Variants in P3H3 observed in about 807,000 individuals in gnomAD.
P3H3 encodes the protein prolyl 3-hydroxylase 3.
Under a neutral mutation model 78.1 loss-of-function variants are expected in P3H3, and 64 were observed. The ratio of observed to expected loss-of-function variants is 0.82; its 90% CI spans 0.67 to 1.01. The LOEUF (loss-of-function observed/expected upper bound fraction) is 1.01, where lower values mean the gene tolerates loss of function less well. P3H3 is among the 50% of genes least tolerant of loss of function. The pLI is 0.00. For synonymous variants in P3H3, 425 were observed against 416.7 expected (o/e 1.02, Z -0.24); for missense variants, 975 against 982.2 (o/e 0.99, Z 0.10).
In P3H3 at chr12:6,831,837, T is replaced by C; in HGVS notation, c.1135T>C (p.Phe379Leu). The C allele has an allele frequency of 6.2e-7, 1 of 1,605,440 alleles. No individual in the cohort carries two copies. The highest frequency in any genetic ancestry group is 8.5e-7 in the Non-Finnish European group (1 of 1,174,266). The change falls in exon 6 of 15, where the codon TTC becomes CTC. Residue 379 changes from phenylalanine to leucine, a missense_variant. By Grantham distance (22) the Phe-to-Leu change is conservative. Transcript: ENST00000290510. The surrounding 1 kb of genome is among the most constrained non-coding windows in gnomAD (Gnocchi z 4.6). ...GLGPREDIQR[F>L]ILRSLGEKRQ... ...ATCTCACCCTCAGGACATCCAGCGC[T>C]TCATCCTCCGATCCCTGGGGGAGAA...
chr12:6,837,874 G>T (rs983537278), intron 12 of P3H3, 25 bp downstream of exon 12: 21 of 1,596,962 alleles, frequency 1.3e-5, no homozygotes, highest in Non-Finnish European at 1.8e-5. Flanking sequence ...TAGTGGTCAG[G>T]CAGGTGGGCA....
At chr12:6,837,905 C>T (rs966399877) in intron 12 of P3H3, 53 bp from the exon 13 acceptor site, 67 of 1,591,216 alleles carry the variant, frequency 4.2e-5, no homozygotes, top group South Asian at 8.0e-5. Flanking sequence ...ATCCCACTGC[C>T]GGCCTGGGCC....
At position 6,837,825 on chromosome 12, in the gene P3H3, C is replaced by A. The variant is rs1555122433; in HGVS notation, c.1805C>A (p.Pro602Gln). 1.2e-6 allele frequency: 2 copies of A among 1,611,914 alleles called. No individual in the cohort carries two copies. The highest frequency in any genetic ancestry group is 1.7e-6 in the Non-Finnish European group (2 of 1,179,096). The change falls in exon 12 of 15, where the codon CCA (proline) becomes CAA (glutamine). Residue 602 changes from proline to glutamine, a missense_variant. By Grantham distance (76) the Pro-to-Gln change is moderately conservative. Coordinates refer to ENST00000290510, the MANE Select transcript of P3H3 (RefSeq NM_014262.5). ...ACGGGAGAGTGCTGGCGGGAGCCCC[C>A]AGCCTACACCTATCGGGACTACAGG... The part of the protein sequence containing the change: ...PDTGECWREP[P>Q]AYTYRDYSGL...
At position 6,839,435 on chromosome 12, in the gene P3H3, G is replaced by C. The variant is rs1943537850; in HGVS notation, c.2185G>C (p.Ala729Pro). The C allele has an allele frequency of 1.9e-6, 3 of 1,551,632 alleles. No individual in the cohort carries two copies. The highest frequency in any genetic ancestry group is 1.7e-6 in the Non-Finnish European group (2 of 1,147,008). The change falls in exon 15 of 15, where the codon GCA (alanine) becomes CCA (proline). Residue 729 changes from alanine to proline, a missense_variant. Coordinates refer to ENST00000290510, the MANE Select transcript of P3H3 (RefSeq NM_014262.5). ...GAGGGTCCAAGACAAGACTGGAAGG[G>C]CACCTCGGGTTCGGGAGGAGCTGTG... The part of the protein sequence containing the change: ...HQRVQDKTGR[A>P]PRVREEL
chr12:6,839,737 A>G lies in P3H3; in HGVS notation c.*276A>G. On this transcript the variant is annotated 3_prime_UTR_variant, in exon 15 of 15. Transcript: ENST00000290510. ...GGGAACACTGTGCCTCCCTGAACAG[A>G]AATGGCAGGGGAGGAGGCTGATGCT... 2.3e-6 allele frequency: 1 copy of G among 442,536 alleles called. No homozygotes were observed. The highest frequency in any genetic ancestry group is 4.1e-6 in the Non-Finnish European group (1 of 244,044). The allele number at this position is 442,536 out of a possible 1,614,324, so 27.4% of individuals were successfully genotyped here. A position where few individuals can be genotyped will look rare whatever the true frequency, so the allele number is the denominator to read the frequency against.
chr12:6,837,539 C>G lies in P3H3; in HGVS notation c.1677C>G (p.Ser559=). ...CCCCGGAACGGCCCCTGCATCTGTC[C>G]TTCACCCACCTGGTGTGCCGCAGCG... is the stretch of plus-strand genomic sequence containing the variant. ...YFSPERPLHL[S]FTHLVCRSAI... Residue 559 remains serine (S), a synonymous_variant, in exon 11 of 15, where the codon TCC becomes TCG. Transcript: ENST00000290510. 6.2e-7 allele frequency: 1 copy of G among 1,612,512 alleles called. No individual in the cohort carries two copies. The highest frequency in any genetic ancestry group is 1.1e-5 in the South Asian group (1 of 90,802).
At chr12:6,833,899 C>G (rs782474684) in intron 8 of P3H3, 26 bp from the exon 9 acceptor site, 1 of 1,613,978 alleles carries the variant, frequency 6.2e-7, no homozygotes, top group Non-Finnish European at 8.5e-7. Flanking sequence ...TGCTCAGCCC[C>G]CTCTGCTCTG....
In P3H3 at chr12:6,828,686, G is replaced by A; in HGVS notation, c.246G>A (p.Ala82=). 3.2e-6 allele frequency: 4 copies of A among 1,241,150 alleles called. No individual in the cohort carries two copies. Among genetic ancestry groups the A allele is most frequent in the Non-Finnish European group, 4.0e-6 (4 of 992,760 alleles). 76.9% of individuals were successfully genotyped at this position (1,241,150 alleles called of 1,614,324 possible). ...GGCTGGATTGCGGGGCGAGCTGCGC[G>A]GCCGATCCGGGCGCCGCGCTCCCCG... ...RVRLDCGASC[A]ADPGAALPAV... is the part of the protein sequence containing the mutation. Residue 82 remains alanine (A), a synonymous_variant, in exon 1 of 15, where the codon GCG becomes GCA. Transcript: ENST00000290510.
intron 13 of P3H3, 142 bp downstream of exon 13, chr12:6,838,175 G>C (rs556938640): frequency 4.5e-6 from 5 of 1,110,436 alleles, no homozygotes; most frequent in Non-Finnish European, 6.4e-6. Flanking sequence ...CAGCCCTCCC[G>C]CTGCTTCCTC....
At position 6,837,544 on chromosome 12, in the gene P3H3, C is replaced by A. The variant is rs782267654; in HGVS notation, c.1682C>A (p.Thr561Asn). 4 of 1,612,670 alleles carry A rather than the reference C, an allele frequency of 2.5e-6. No individual in the cohort carries two copies. Among genetic ancestry groups the A allele is most frequent in the Admixed American group, 3.3e-5 (2 of 59,856 alleles). Residue 561 changes from threonine (T) to asparagine (N), a missense_variant, in exon 11 of 15, where the codon ACC (threonine) becomes AAC (asparagine). Coordinates refer to ENST00000290510, the MANE Select transcript of P3H3 (RefSeq NM_014262.5). ...SPERPLHLSF[T>N]HLVCRSAIEG... ...GAACGGCCCCTGCATCTGTCCTTCA[C>A]CCACCTGGTGTGCCGCAGCGCCATA... is the stretch of plus-strand genomic sequence containing the variant.
chr12:6,838,927 T>G, intron 13 of P3H3, 73 bp from the exon 14 acceptor site: 1 of 1,361,122 alleles, frequency 7.3e-7, no homozygotes, highest in South Asian at 1.5e-5. Flanking sequence ...GTCCCCATCC[T>G]GCTCTAGGGA....
Position 6,839,834 on chromosome 12 carries a change from G to A in P3H3, c.*373G>A, listed in dbSNP as rs782011473. On this transcript the variant is annotated 3_prime_UTR_variant, in exon 15 of 15. Transcript: ENST00000290510. ...TCTCCCAGTCTGTGCAATAAAGGTC[G>A]TGAAGATCTCTCAGCCAGGGGCCAG... 2.1e-5 allele frequency: 4 copies of A among 189,474 alleles called. No homozygotes were observed. The highest frequency in any genetic ancestry group is 5.5e-5 in the Admixed American group (1 of 18,040). 11.7% of individuals were successfully genotyped at this position (189,474 alleles called of 1,614,324 possible).
In P3H3 at chr12:6,831,447, AC is replaced by A; in HGVS notation, c.1122+98del. 3.3e-6 allele frequency: 5 copies of A among 1,519,174 alleles called. No individual in the cohort carries two copies. Among genetic ancestry groups the A allele is most frequent in the Non-Finnish European group, 4.4e-6 (5 of 1,129,324 alleles). 94.1% of individuals were successfully genotyped at this position (1,519,174 alleles called of 1,614,324 possible). On this transcript the variant is annotated intron_variant, in intron 5 of 14. Coordinates refer to ENST00000290510, the MANE Select transcript of P3H3 (RefSeq NM_014262.5). The surrounding 1 kb of genome is among the most constrained non-coding windows in gnomAD (Gnocchi z 4.6). ...GACCCCCACCCCCCGCTGGCCTCTT[AC>A]CCGAGCACTCTAGTCACCCAAAGGA... is the stretch of plus-strand genomic sequence containing the variant.
Position 6,831,087 on chromosome 12 carries a change from G to T in P3H3, c.986-129G>T, listed in dbSNP as rs1565511739. 2 of 1,187,446 alleles carry T rather than the reference G, an allele frequency of 1.7e-6. No individual in the cohort carries two copies. The highest frequency in any genetic ancestry group is 2.5e-6 in the Non-Finnish European group (2 of 794,158). 73.6% of individuals were successfully genotyped at this position (1,187,446 alleles called of 1,614,324 possible). On this transcript the variant is annotated intron_variant, in intron 4 of 14. Coordinates refer to ENST00000290510, the MANE Select transcript of P3H3 (RefSeq NM_014262.5). This position sits in a 1 kb window ranked among gnomAD's most constrained non-coding sequence, Gnocchi z 4.6. ...CGGCAGCTGAACTTGTCTGCCAGTGGGAAGGGGGCTCTTGGAGTTAGCTGT... is the reference window on the plus strand; with the variant it reads ...CGGCAGCTGAACTTGTCTGCCAGTGTGAAGGGGGCTCTTGGAGTTAGCTGT...
chr12:6,830,582 G>T, intron 3 of P3H3, 28 bp downstream of exon 3: 1 of 1,582,972 alleles, frequency 6.3e-7, no homozygotes, highest in Non-Finnish European at 8.6e-7. Context: ...GAGGGGGTGG[G>T]TCGGTGCCCA....
chr12:6,838,050 G>T lies in P3H3; in HGVS notation c.1905+17G>T. On this transcript the variant is annotated intron_variant, in intron 13 of 14. Transcript: ENST00000290510. ...ACTGTCACGGTGCGTGGAGTGGGGG[G>T]TGTGACGGTGTGACAAAGGGCCCAG... The T allele has an allele frequency of 6.3e-7, 1 of 1,584,366 alleles. No individual in the cohort carries two copies. The highest frequency in any genetic ancestry group is 8.6e-7 in the Non-Finnish European group (1 of 1,164,548).
Position 6,828,608 on chromosome 12 carries a change from C to T in P3H3, c.168C>T (p.Ala56=). 1 of 1,218,762 alleles carries T rather than the reference C, an allele frequency of 8.2e-7. No individual in the cohort carries two copies. Among genetic ancestry groups the T allele is most frequent in the East Asian group, 3.3e-5 (1 of 30,688 alleles). The allele number at this position is 1,218,762 out of a possible 1,614,324, so 75.5% of individuals were successfully genotyped here. The change falls in exon 1 of 15, where the codon GCC becomes GCT. Residue 56 remains alanine, a synonymous_variant. Coordinates refer to ENST00000290510, the MANE Select transcript of P3H3 (RefSeq NM_014262.5). ...RAYAAGAWAP[A]VALLREALRS... ...ACGCGGCCGGGGCTTGGGCGCCGGC[C>T]GTGGCGCTGCTGCGGGAGGCGCTGC...
At chr12:6,832,899 C>CTT (rs1943463367) in intron 6 of P3H3, among the ~76,000 whole-genome samples, 2 of 124,506 alleles carry the variant, frequency 1.6e-5, no homozygotes, top group African/African-American at 2.9e-5. Flanking sequence ...CACCGGAACC[C>CTT]GGCCTGCAGC....
At chr12:6,832,457 C>T (rs1176183752) in intron 6 of P3H3, among the ~76,000 whole-genome samples, 5 of 152,100 alleles carry the variant, frequency 3.3e-5, no homozygotes, top group African/African-American at 9.7e-5. Flanking sequence ...CTGGTCTCTA[C>T]CCAGTAGAGA....
Sources: allele counts gnomAD v4.1 joint callset (sites outside exome capture counted in the v4.1 genomes callset), GRCh38; gene constraint gnomAD v4.1.1; non-coding constraint Gnocchi (gnomAD v3.1); transcripts MANE v1.5; gene names NCBI Gene and HGNC (gene_info 2026-07-23, HGNC 2026-07-21).